ATP13A5: variants seen among roughly 807,000 people sequenced by gnomAD.
ATP13A5 encodes the protein probable cation-transporting ATPase 13A5.
A neutral mutation model predicts 150.2 loss-of-function variants in ATP13A5; 149 were observed. The ratio of observed to expected loss-of-function variants is 0.99; its 90% CI spans 0.87 to 1.14. ATP13A5 has a LOEUF of 1.14. Ranked by LOEUF, ATP13A5 falls within the 50% of genes most tolerant of loss-of-function variation. ATP13A5 has a pLI of 0.00. For missense variants in ATP13A5, 1,383 were observed against 1,449.3 expected (o/e 0.95, Z 0.74); for synonymous variants, 497 against 522.2 (o/e 0.95, Z 0.66).
chr3:193,314,411 A>G (rs944338279), intron 18 of ATP13A5: 69 of 495,012 alleles, frequency 1.4e-4, no homozygotes, highest in South Asian at 5.2e-4. Flanking sequence ...GTCCATGTGT[A>G]TTTCAAAACA....
chr3:193,345,431 C>A (rs1712298956), intron 7 of ATP13A5, among the ~76,000 whole-genome samples: 1 of 152,104 alleles, frequency 6.6e-6, no homozygotes, highest in Non-Finnish European at 1.5e-5. Context: ...TATCAGGCAG[C>A]CACCAGAATC....
At chr3:193,312,062 T>A in intron 19 of ATP13A5, 121 bp from the exon 20 acceptor site, 1 of 1,285,800 alleles carries the variant, frequency 7.8e-7, no homozygotes, top group South Asian at 1.4e-5. Context: ...AACAAAATAA[T>A]GTGTAATTTG....
rs932253966 is a variant in ATP13A5 at position 193,344,011 on chromosome 3, G to T, written c.859C>A (p.Leu287Ile). 6.2e-7 allele frequency: 1 copy of T among 1,613,268 alleles called. No homozygotes were observed. Among genetic ancestry groups the T allele is most frequent in the African/African-American group, 1.3e-5 (1 of 74,868 alleles). Residue 287 changes from leucine (L) to isoleucine (I), a missense_variant, in exon 9 of 30, where the codon CTT (leucine) becomes ATT (isoleucine). By Grantham distance (5) the Leu-to-Ile change is conservative (BLOSUM62 2). Around this residue, in one of 3 missense-constraint regions of ATP13A5, gnomAD observed 787 missense variants for 771.9 expected, o/e 1.02. Transcript: ENST00000342358. ...ESRLLVPGDI[L>I]ILPGKFSLPC... ...AATGAAAATTTTCCTGGAAGAATAAGAATGTCTCCGGGAACCAAGAGACGG... is the reference window on the plus strand; with the variant it reads ...AATGAAAATTTTCCTGGAAGAATAATAATGTCTCCGGGAACCAAGAGACGG...
At chr3:193,306,371 T>A (rs1718619929) in intron 22 of ATP13A5, among the ~76,000 whole-genome samples, 1 of 152,104 alleles carries the variant, frequency 6.6e-6, no homozygotes, top group Non-Finnish European at 1.5e-5. Context: ...TGCATTTGAT[T>A]TTTTTGTTTT....
chr3:193,282,181 C>G (rs901219357), intron 27 of ATP13A5, among the ~76,000 whole-genome samples: 2 of 151,850 alleles, frequency 1.3e-5, no homozygotes, highest in African/African-American at 4.8e-5. Flanking sequence ...GGTGAAAGAG[C>G]AAGACTCCAT....
intron 26 of ATP13A5, among the ~76,000 whole-genome samples, chr3:193,287,679 A>T (rs983523756): frequency 6.6e-6 from 1 of 152,164 alleles, no homozygotes; most frequent in Non-Finnish European, 1.5e-5. Context: ...TGTATAAGGA[A>T]ATTAATGTTT....
intron 25 of ATP13A5, among the ~76,000 whole-genome samples, chr3:193,294,844 A>G (rs553356134): frequency 2.2e-4 from 34 of 152,144 alleles, no homozygotes; most frequent in Non-Finnish European, 4.4e-4. Flanking sequence ...CATGCTCACA[A>G]CGCTTAAGTA....
chr3:193,294,540 G>T (rs1253660225), intron 25 of ATP13A5, among the ~76,000 whole-genome samples: 1 of 151,892 alleles, frequency 6.6e-6, no homozygotes, highest in Non-Finnish European at 1.5e-5. Flanking sequence ...TCTGTACATT[G>T]CCTTAAAACC....
intron 24 of ATP13A5, among the ~76,000 whole-genome samples, 198 bp from the exon 25 acceptor site, chr3:193,299,401 C>T (rs1377878460): frequency 6.6e-6 from 1 of 152,080 alleles, no homozygotes; most frequent in East Asian, 1.9e-4. Context: ...TGCATTTAAC[C>T]TACTTCATAT....
At chr3:193,338,452 A>C (rs1342612130) in intron 9 of ATP13A5, among the ~76,000 whole-genome samples, 1 of 152,176 alleles carries the variant, frequency 6.6e-6, no homozygotes, top group Non-Finnish European at 1.5e-5. Flanking sequence ...AGGGCTGTTG[A>C]ATTTTATGGA....
chr3:193,285,064 T>C lies in ATP13A5; in HGVS notation c.3076A>G (p.Arg1026Gly). 1 of 1,614,050 alleles carries C rather than the reference T, an allele frequency of 6.2e-7. No individual in the cohort carries two copies. Among genetic ancestry groups the C allele is most frequent in the South Asian group, 1.1e-5 (1 of 91,076 alleles). ...SNFSTNVSLE[R>G]NWTGNATLIP... ...AGAGTTGCATTTCCAGTCCAGTTTCTTTCCAAACTCACATTTGTTGAAAAA... is the reference window on the plus strand; with the variant it reads ...AGAGTTGCATTTCCAGTCCAGTTTCCTTCCAAACTCACATTTGTTGAAAAA... Residue 1026 changes from arginine to glycine, a missense_variant, in exon 27 of 30, where the codon AGA becomes GGA. By Grantham distance (125) the Arg-to-Gly change is moderately radical. Around this residue, in one of 3 missense-constraint regions of ATP13A5, gnomAD observed 568 missense variants for 621.5 expected, o/e 0.91. Transcript: ENST00000342358.
At chr3:193,326,866 G>T in intron 13 of ATP13A5, 130 bp downstream of exon 13, 1 of 754,496 alleles carries the variant, frequency 1.3e-6, no homozygotes, top group East Asian at 2.8e-5. Context: ...AGAATAATTA[G>T]GAACTAGTTC....
chr3:193,307,471 G>C, intron 21 of ATP13A5, 102 bp from the exon 22 acceptor site: 1 of 1,391,552 alleles, frequency 7.2e-7, no homozygotes, highest in South Asian at 1.2e-5. Flanking sequence ...GTGTGTATGT[G>C]TGTGTCCCCT....
At chr3:193,290,504 A>T (rs1044115244) in intron 25 of ATP13A5, among the ~76,000 whole-genome samples, 23 of 151,960 alleles carry the variant, frequency 1.5e-4, no homozygotes, top group Admixed American at 4.6e-4. Context: ...TGGATAATTT[A>T]AAAAAAACAC....
intron 25 of ATP13A5, among the ~76,000 whole-genome samples, chr3:193,297,389 G>C (rs1718215665): frequency 6.6e-6 from 1 of 152,004 alleles, no homozygotes; most frequent in Non-Finnish European, 1.5e-5. Flanking sequence ...ACCTAGACTT[G>C]ACCAGGAAAT....
At chr3:193,370,804 T>C (rs1713413063) in intron 1 of ATP13A5, among the ~76,000 whole-genome samples, 1 of 152,204 alleles carries the variant, frequency 6.6e-6, no homozygotes, top group Non-Finnish European at 1.5e-5. Flanking sequence ...AAATAAGTAT[T>C]AACATTTATA....
rs113282667 is a variant in ATP13A5, at chr3:193,297,035, G to A, written c.2848+2096C>T. On this transcript the variant is annotated intron_variant, in intron 25 of 29. Coordinates refer to ENST00000342358, the MANE Select transcript of ATP13A5 (RefSeq NM_198505.4). ...GCTGGGCTTAATACCTAGGTGATGG[G>A]TTGAACTGTGCAGCAAACCACTATG... Among the ~76,000 whole-genome samples, 1,173 of 152,136 alleles carry A rather than the reference G, an allele frequency of 7.7e-3. 15 individuals carry two copies. The highest frequency in any genetic ancestry group is 0.031 in the Middle Eastern group (9 of 294).
intron 17 of ATP13A5, among the ~76,000 whole-genome samples, chr3:193,316,041 T>C (rs895560886): frequency 6.6e-6 from 1 of 152,160 alleles, no homozygotes; most frequent in Admixed American, 6.6e-5. Context: ...ATGCTTCAGA[T>C]AAGTAGGATC....
At chr3:193,311,702 T>TAC in intron 20 of ATP13A5, 114 bp downstream of exon 20, 11 of 1,432,048 alleles carry the variant, frequency 7.7e-6, no homozygotes, top group African/African-American at 2.8e-5. Flanking sequence ...TTTGGGGGTG[T>TAC]TTATTCTCTA....
Sources: gnomAD v4.1 joint callset for allele counts (sites outside exome capture counted in the v4.1 genomes callset) on GRCh38, gnomAD v4.1.1 for gene constraint, gnomAD v4.1.1 regional missense constraint, MANE v1.5 for transcripts, NCBI Gene and HGNC (gene_info 2026-07-23, HGNC 2026-07-21) for gene names.